Variants in TMEM266 observed in about 807,000 individuals in gnomAD.
TMEM266 encodes Hv1 related protein 1.
Under a neutral mutation model 50.5 loss-of-function variants are expected in TMEM266, and 33 were observed. The observed-to-expected ratio is 0.65, with a 90% CI of 0.50 to 0.87. TMEM266 has a LOEUF of 0.87. Among genes scored for constraint, TMEM266 ranks in the 40% least tolerant of loss-of-function variants. The pLI, the probability that TMEM266 is intolerant of heterozygous loss-of-function variation, is 0.00. For synonymous variants in TMEM266, 310 were observed against 292.3 expected (o/e 1.06, Z -0.62); for missense variants, 655 against 695.1 (o/e 0.94, Z 0.65).
intron 5 of TMEM266, among the ~76,000 whole-genome samples, chr15:76,166,715 GC>G (rs1338862522): frequency 2.0e-5 from 3 of 152,216 alleles, no homozygotes; most frequent in African/African-American, 7.2e-5. Context: ...TTCTAAAGAA[GC>G]ATGATGATTC....
At chr15:76,200,608 G>A (rs1482316147) in intron 9 of TMEM266, among the ~76,000 whole-genome samples, 1 of 152,204 alleles carries the variant, frequency 6.6e-6, no homozygotes, top group Non-Finnish European at 1.5e-5. Flanking sequence ...GTCCCTGCGG[G>A]TGTGGTCTCA....
At chr15:76,181,424 A>G (rs2038402730) in intron 8 of TMEM266, 1 of 152,216 alleles carries the variant, frequency 6.6e-6, no homozygotes, top group African/African-American at 2.4e-5. Context: ...CTGGTCAGTC[A>G]TACCATTCCA....
chr15:76,110,125 G>A (rs1055077775), intron 1 of TMEM266, among the ~76,000 whole-genome samples: 8 of 151,620 alleles, frequency 5.3e-5, no homozygotes, highest in East Asian at 1.9e-4. Flanking sequence ...TCAGCCTCCC[G>A]AGAAGCTGGG....
rs907478785 is a variant in TMEM266 at position 76,161,832 on chromosome 15, C to T, written c.456+1664C>T. Among the ~76,000 whole-genome samples the T allele has an allele frequency of 6.6e-6, 1 of 152,230 alleles. No homozygotes were observed. The highest frequency in any genetic ancestry group is 1.5e-5 in the Non-Finnish European group (1 of 68,038). On this transcript the variant is annotated intron_variant, in intron 5 of 10. Transcript: ENST00000388942. The surrounding 1 kb of genome is among the most constrained non-coding windows in gnomAD (Gnocchi z 4.1). ...TCTCTGCCCGGCCAGGATTCCCTCC[C>T]GCAAACACATGGGCCGTGGCCAGAT...
chr15:76,060,298 T>G (rs2036273501), intron 1 of TMEM266, among the ~76,000 whole-genome samples: 1 of 151,324 alleles, frequency 6.6e-6, no homozygotes. Flanking sequence ...TGCAGATGCC[T>G]TACCTCCCAT....
At chr15:76,111,934 A>G (rs956914377) in intron 1 of TMEM266, 2 of 152,264 alleles carry the variant, frequency 1.3e-5, no homozygotes, top group African/African-American at 4.8e-5. Flanking sequence ...ATATAATGCA[A>G]TATTTATCAG....
chr15:76,138,025 C>G (rs12592638), intron 3 of TMEM266, 130 bp downstream of exon 3: 1 of 829,526 alleles, frequency 1.2e-6, no homozygotes, highest in Non-Finnish European at 1.8e-6. Context: ...AGTTCGAGAC[C>G]AGCCTGGCCA....
chr15:76,158,590 T>C (rs2037963580), intron 4 of TMEM266, among the ~76,000 whole-genome samples: 1 of 152,196 alleles, frequency 6.6e-6, no homozygotes, highest in African/African-American at 2.4e-5. Flanking sequence ...GGAGATCCAA[T>C]AGCAGCTCAT....
chr15:76,141,009 C>G (rs997804737), intron 3 of TMEM266, among the ~76,000 whole-genome samples: 4 of 152,106 alleles, frequency 2.6e-5, no homozygotes, highest in African/African-American at 9.7e-5. Flanking sequence ...TGCACTCTAG[C>G]CTGGGCAACA....
intron 3 of TMEM266, among the ~76,000 whole-genome samples, chr15:76,154,494 T>A (rs2037893553): frequency 6.6e-6 from 1 of 152,046 alleles, no homozygotes; most frequent in African/African-American, 2.4e-5. Context: ...CAGACCATTC[T>A]CCTCCTGTTT....
intron 3 of TMEM266, 81 bp from the exon 4 acceptor site, chr15:76,156,523 G>A (rs1381344532): frequency 6.1e-6 from 9 of 1,482,798 alleles, no homozygotes; most frequent in Non-Finnish European, 8.3e-6. Flanking sequence ...TGGTGGGTTT[G>A]AGAGCAGGGC....
Position 76,160,078 on chromosome 15 carries a change from T to C in TMEM266, c.383-17T>C. On this transcript the variant is annotated splice_polypyrimidine_tract_variant and intron_variant, in intron 4 of 10. Coordinates refer to ENST00000388942, the MANE Select transcript of TMEM266 (RefSeq NM_152335.3). The surrounding 1 kb of genome is among the most constrained non-coding windows in gnomAD (Gnocchi z 5.7). ...ATTCCTCACTCCTAAAATTGGTCCT[T>C]ATCGTGTCCATTGCAGTTTCCAGCG... 6.2e-7 allele frequency: 1 copy of C among 1,613,498 alleles called. No homozygotes were observed. Among genetic ancestry groups the C allele is most frequent in the Non-Finnish European group, 8.5e-7 (1 of 1,179,412 alleles).
chr15:76,099,913 G>C (rs1347088128), intron 1 of TMEM266, among the ~76,000 whole-genome samples: 2 of 152,148 alleles, frequency 1.3e-5, no homozygotes, highest in East Asian at 3.9e-4. Context: ...AGCAGGAGAG[G>C]GAGAGAGAGA....
At chr15:76,107,723 T>A (rs2037105548) in intron 1 of TMEM266, among the ~76,000 whole-genome samples, 1 of 152,152 alleles carries the variant, frequency 6.6e-6, no homozygotes, top group South Asian at 2.1e-4. Context: ...AAATATAGTA[T>A]TTGAATGAAT....
At chr15:76,063,523 C>T (rs568659121) in intron 1 of TMEM266, among the ~76,000 whole-genome samples, 4 of 152,292 alleles carry the variant, frequency 2.6e-5, no homozygotes, top group South Asian at 2.1e-4. Context: ...CATAGTCCCT[C>T]GCCTCATTTC....
intron 1 of TMEM266, among the ~76,000 whole-genome samples, chr15:76,092,035 C>G (rs1402874379): frequency 6.6e-6 from 1 of 151,796 alleles, no homozygotes; most frequent in East Asian, 1.9e-4. Context: ...TGGCAAAAGT[C>G]ATGGATCAAA....
intron 1 of TMEM266, among the ~76,000 whole-genome samples, chr15:76,084,726 G>A (rs946786413): frequency 1.3e-5 from 2 of 151,258 alleles, no homozygotes; most frequent in African/African-American, 2.4e-5. Context: ...TCAACCTCCC[G>A]AGTAGCTGGG....
At position 76,160,744 on chromosome 15, in the gene TMEM266, G is replaced by T. The variant is rs1012637201; in HGVS notation, c.456+576G>T. Among the ~76,000 whole-genome samples the T allele has an allele frequency of 1.1e-4, 16 of 152,188 alleles. No homozygotes were observed. The highest frequency in any genetic ancestry group is 3.6e-4 in the African/African-American group (15 of 41,460). The stretch of plus-strand genomic sequence containing the variant: ...TGCGAGGCTGTATTTCCGAGGTGGG[G>T]GCTCAGGGAGCACGGATCGCCGTCA... On this transcript the variant is annotated intron_variant, in intron 5 of 10. Transcript: ENST00000388942. The surrounding 1 kb of genome is among the most constrained non-coding windows in gnomAD (Gnocchi z 5.7).
At chr15:76,079,246 G>A (rs1425892368) in intron 1 of TMEM266, among the ~76,000 whole-genome samples, 3 of 151,576 alleles carry the variant, frequency 2.0e-5, no homozygotes, top group Non-Finnish European at 2.9e-5. Flanking sequence ...CCAGCTACTC[G>A]GGAGGCTGAG....
Sources: gnomAD v4.1 joint callset for allele counts (sites outside exome capture counted in the v4.1 genomes callset) on GRCh38, gnomAD v4.1.1 for gene constraint, Gnocchi (gnomAD v3.1) non-coding constraint, MANE v1.5 for transcripts, NCBI Gene and HGNC (gene_info 2026-07-23, HGNC 2026-07-21) for gene names.